Variants in PCDH7 observed in about 807,000 individuals in gnomAD.
PCDH7 encodes protocadherin 7.
A neutral mutation model predicts 58.9 loss-of-function variants in PCDH7; 17 were observed. The ratio of observed to expected loss-of-function variants is 0.29; its 90% CI spans 0.20 to 0.43. PCDH7 has a LOEUF of 0.43. PCDH7 is among the 20% of genes least tolerant of loss of function. The pLI, the probability that PCDH7 is intolerant of heterozygous loss-of-function variation, is 1.00. For missense variants in PCDH7, 1,274 were observed against 1,441.0 expected, an observed-to-expected ratio of 0.88 and a Z score of 1.88; for synonymous variants, 664 against 616.4, an observed-to-expected ratio of 1.08 and a Z score of -1.14.
intron 3 of PCDH7, among the ~76,000 whole-genome samples, chr4:30,989,037 G>T (rs529625359): frequency 2.0e-5 from 3 of 152,088 alleles, no homozygotes; most frequent in Non-Finnish European, 2.9e-5. Flanking sequence ...TAAAATATTT[G>T]TTGTAGATGA....
intron 1 of PCDH7, among the ~76,000 whole-genome samples, chr4:30,811,193 T>A (rs1726946330): frequency 1.3e-5 from 2 of 152,224 alleles, no homozygotes; most frequent in African/African-American, 2.4e-5. Flanking sequence ...ACTGGAAGAA[T>A]ATTTCCTCTG....
chr4:30,815,482 G>A (rs969934518), intron 1 of PCDH7, among the ~76,000 whole-genome samples: 1 of 152,178 alleles, frequency 6.6e-6, no homozygotes, highest in African/African-American at 2.4e-5. Flanking sequence ...TTTATACAAT[G>A]ACATGTTTCC....
At chr4:31,117,343 C>T (rs1717125823) in intron 3 of PCDH7, among the ~76,000 whole-genome samples, 1 of 152,148 alleles carries the variant, frequency 6.6e-6, no homozygotes, top group Non-Finnish European at 1.5e-5. Flanking sequence ...GGGTGCTGTA[C>T]CCTAGAGCTT....
intron 2 of PCDH7, among the ~76,000 whole-genome samples, chr4:30,944,523 C>T (rs1746443603): frequency 6.6e-6 from 1 of 151,988 alleles, no homozygotes; most frequent in South Asian, 2.1e-4. Flanking sequence ...ACACATAGGA[C>T]CACTGACTAA....
chr4:31,142,838 GT>G, exon 4 of PCDH7: 2 of 1,364,064 alleles, frequency 1.5e-6, no homozygotes. Context: ...TAGAAGAGAA[GT>G]TTACCTGTAG....
chr4:30,975,203 T>C lies in PCDH7; in HGVS notation c.*7+24988T>C, dbSNP rs964006768. ...TGTGTGTGTGTATTTGTGGTGAATCTCCTACCAAAAACTTAAACCCAGGAA... is the reference window on the plus strand; with the variant it reads ...TGTGTGTGTGTATTTGTGGTGAATCCCCTACCAAAAACTTAAACCCAGGAA... On this transcript the variant is annotated intron_variant, in intron 3 of 3. Transcript: ENST00000509759. 3.4e-5 allele frequency among the ~76,000 whole-genome samples: 5 copies of C among 148,944 alleles called. No homozygotes were observed. The Admixed American group carries it at 3.4e-4, about 10-fold the overall frequency.
At chr4:30,983,342 C>T (rs1167568922) in intron 3 of PCDH7, among the ~76,000 whole-genome samples, 1 of 152,042 alleles carries the variant, frequency 6.6e-6, no homozygotes, top group African/African-American at 2.4e-5. Flanking sequence ...TTACTATGAG[C>T]CAAGGGATTC....
intron 1 of PCDH7, among the ~76,000 whole-genome samples, chr4:30,876,294 G>A (rs1736273524): frequency 1.3e-5 from 2 of 151,998 alleles, no homozygotes; most frequent in Admixed American, 6.6e-5. Flanking sequence ...TGAAGTAAGT[G>A]ATATTAAATG....
chr4:31,064,290 T>C (rs1194314779), intron 3 of PCDH7, among the ~76,000 whole-genome samples: 2 of 152,010 alleles, frequency 1.3e-5, no homozygotes, highest in Non-Finnish European at 2.9e-5. Context: ...TTTACTCCTA[T>C]CATCCAGATA....
intron 3 of PCDH7, among the ~76,000 whole-genome samples, chr4:30,972,889 C>T (rs1749725357): frequency 6.6e-6 from 1 of 152,188 alleles, no homozygotes; most frequent in African/African-American, 2.4e-5. Context: ...CCCTCACCAC[C>T]TTTCTTGCCA....
chr4:31,055,383 T>C (rs1757069925), intron 3 of PCDH7, among the ~76,000 whole-genome samples: 1 of 152,132 alleles, frequency 6.6e-6, no homozygotes, highest in Non-Finnish European at 1.5e-5. Context: ...GGCAGTAGTA[T>C]AGTAGCTGTG....
chr4:31,051,737 C>T (rs1010682573), intron 3 of PCDH7, among the ~76,000 whole-genome samples: 24 of 151,054 alleles, frequency 1.6e-4, no homozygotes, highest in African/African-American at 5.4e-4. Context: ...GTTGCTAACA[C>T]ATCAGGTATG....
At position 30,894,479 on chromosome 4, in the gene PCDH7, AAAAAAAAAAAAATATATATAT is replaced by A. The variant is rs1475845094; in HGVS notation, c.71-25672_71-25652del. 4.2e-3 allele frequency among the ~76,000 whole-genome samples: 257 copies of A among 61,870 alleles called. 2 individuals carry two copies. Among genetic ancestry groups the A allele is most frequent in the Admixed American group, 6.6e-3 (28 of 4,212 alleles). The allele number at this position is 61,870 out of a possible 152,430, so 40.6% of individuals were successfully genotyped here. A position where few individuals can be genotyped will look rare whatever the true frequency, so the allele number is the denominator to read the frequency against. Reference sequence around the variant, plus strand: ...TTCATTCAGGAAAAAAAAAAAAAAAAAAAAAAAAAAAATATATATATATATATATATATATATACACACACA... The same window carrying A: ...TTCATTCAGGAAAAAAAAAAAAAAAAATATATATATATATATACACACACA... On this transcript the variant is annotated intron_variant, in intron 1 of 3. Transcript: ENST00000509759.
chr4:31,062,198 C>T (rs1057140636), intron 3 of PCDH7, among the ~76,000 whole-genome samples: 1 of 151,564 alleles, frequency 6.6e-6, no homozygotes, highest in Non-Finnish European at 1.5e-5. Context: ...TCTATTACAA[C>T]TGTATAATTT....
chr4:30,817,987 A>G (rs905239925), intron 1 of PCDH7, among the ~76,000 whole-genome samples: 14 of 152,082 alleles, frequency 9.2e-5, no homozygotes, highest in African/African-American at 3.4e-4. Context: ...CTCCTGCCAC[A>G]TTCTTCTCAC....
chr4:30,833,660 A>G (rs951740551), intron 1 of PCDH7, among the ~76,000 whole-genome samples: 5 of 152,282 alleles, frequency 3.3e-5, no homozygotes, highest in Admixed American at 2.6e-4. Context: ...TTCTGCACAA[A>G]GGTGCAGCTA....
At chr4:30,805,101 T>C (rs1726013493) in intron 1 of PCDH7, among the ~76,000 whole-genome samples, 1 of 152,204 alleles carries the variant, frequency 6.6e-6, no homozygotes, top group African/African-American at 2.4e-5. Flanking sequence ...CTCTATTTAC[T>C]TGGTTTTCCT....
intron 3 of PCDH7, among the ~76,000 whole-genome samples, chr4:31,129,854 C>G (rs894770972): frequency 7.9e-5 from 12 of 152,054 alleles, no homozygotes; most frequent in African/African-American, 2.9e-4. Flanking sequence ...TCTCAAACTC[C>G]TGACCTCAGG....
chr4:30,724,141 A>G, exon 1 of PCDH7: 1 of 1,614,062 alleles, frequency 6.2e-7, no homozygotes, highest in Non-Finnish European at 8.5e-7. Context: ...CTGCAGGTCC[A>G]AAAATAAAAA....
Sources: gnomAD v4.1 joint callset for allele counts (sites outside exome capture counted in the v4.1 genomes callset) on GRCh38, gnomAD v4.1.1 for gene constraint, MANE v1.5 for transcripts, NCBI Gene and HGNC (gene_info 2026-07-23, HGNC 2026-07-21) for gene names.